Variants in ATP10A observed in about 807,000 individuals in gnomAD.
ATP10A encodes phospholipid-transporting ATPase VA.
A neutral mutation model predicts 147.8 loss-of-function variants in ATP10A; 111 were observed. That is an observed-to-expected ratio of 0.75 (90% CI 0.64 to 0.88). The LOEUF is 0.88. Among genes scored for constraint, ATP10A ranks in the 40% least tolerant of loss-of-function variants. The probability of loss-of-function intolerance (pLI) is 0.00; values close to 1 mark genes in which losing one functional copy is unlikely to be tolerated. For synonymous variants in ATP10A, 875 were observed against 841.6 expected (o/e 1.04, Z -0.69); for missense variants, 1,927 against 1,959.0 (o/e 0.98, Z 0.31).
At chr15:25,801,694 C>T (rs555954807) in intron 1 of ATP10A, among the ~76,000 whole-genome samples, 9 of 152,332 alleles carry the variant, frequency 5.9e-5, no homozygotes, top group African/African-American at 1.9e-4. Flanking sequence ...AGCCCCGTGA[C>T]GCTGATGTGT....
At chr15:25,852,294 C>T (rs1468245369) in intron 1 of ATP10A, among the ~76,000 whole-genome samples, 3 of 152,128 alleles carry the variant, frequency 2.0e-5, no homozygotes, top group African/African-American at 4.8e-5. Context: ...CATCCTCCCT[C>T]CAAAGTAATG....
At chr15:25,708,402 T>C in intron 10 of ATP10A, 102 bp from the exon 11 acceptor site, 4 of 967,014 alleles carry the variant, frequency 4.1e-6, no homozygotes, top group Non-Finnish European at 4.8e-6. Context: ...TACTTGCGAA[T>C]AGAGCACAAA....
At chr15:25,684,378 T>C (rs1899599230) in intron 16 of ATP10A, among the ~76,000 whole-genome samples, 1 of 152,218 alleles carries the variant, frequency 6.6e-6, no homozygotes, top group African/African-American at 2.4e-5. Context: ...CTTTCCTTGC[T>C]CATGACATGG....
At chr15:25,848,036 C>T (rs911506704) in intron 1 of ATP10A, among the ~76,000 whole-genome samples, 1 of 152,064 alleles carries the variant, frequency 6.6e-6, no homozygotes, top group African/African-American at 2.4e-5. Context: ...GCCTGTATTT[C>T]CAGCTACTTG....
intron 10 of ATP10A, chr15:25,709,466 T>G (rs1401389929): frequency 6.6e-6 from 1 of 152,276 alleles, no homozygotes; most frequent in Non-Finnish European, 1.5e-5. Flanking sequence ...CCCATTGTCC[T>G]GAGAGGTGAC....
At chr15:25,811,241 C>T (rs1891417020) in intron 1 of ATP10A, among the ~76,000 whole-genome samples, 1 of 152,194 alleles carries the variant, frequency 6.6e-6, no homozygotes, top group Admixed American at 6.5e-5. Context: ...CAGAAACGGA[C>T]TTCCCTGGAC....
intron 12 of ATP10A, 54 bp downstream of exon 12, chr15:25,707,910 ACCCCTCCAGGGC>A (rs1270917195): frequency 2.5e-6 from 4 of 1,581,296 alleles, no homozygotes; most frequent in Non-Finnish European, 3.5e-6. Context: ...AAGAGCACTC[ACCCCTCCAGGGC>A]CGTCCCTGCA....
At chr15:25,718,675 G>C (rs1052295695) in intron 7 of ATP10A, among the ~76,000 whole-genome samples, 1 of 152,142 alleles carries the variant, frequency 6.6e-6, no homozygotes, top group East Asian at 1.9e-4. Context: ...GAAGGGGAAC[G>C]GGTTGACGTC....
intron 3 of ATP10A, among the ~76,000 whole-genome samples, chr15:25,729,566 T>G (rs1902821498): frequency 6.6e-6 from 1 of 152,150 alleles, no homozygotes; most frequent in Non-Finnish European, 1.5e-5. Context: ...GAGTGTCCCC[T>G]GCAGGACTCC....
chr15:25,751,985 A>G (rs1335475990), intron 2 of ATP10A, among the ~76,000 whole-genome samples: 1 of 152,184 alleles, frequency 6.6e-6, no homozygotes, highest in Non-Finnish European at 1.5e-5. Flanking sequence ...ACCTGTCAGA[A>G]TAGTTATTAC....
At chr15:25,715,897 CTG>C (rs1901767640) in intron 9 of ATP10A, among the ~76,000 whole-genome samples, 2 of 152,304 alleles carry the variant, frequency 1.3e-5, no homozygotes, top group East Asian at 3.9e-4. Flanking sequence ...ACATTCAAAA[CTG>C]CCTGGTTCCA....
chr15:25,686,187 C>T (rs1042090271), intron 16 of ATP10A, among the ~76,000 whole-genome samples: 3 of 151,830 alleles, frequency 2.0e-5, no homozygotes, highest in Non-Finnish European at 1.5e-5. Flanking sequence ...GAAGACGCTC[C>T]GAAAAATGAA....
At chr15:25,729,293 C>G (rs2061596065) in intron 3 of ATP10A, among the ~76,000 whole-genome samples, 1 of 152,198 alleles carries the variant, frequency 6.6e-6, no homozygotes, top group Non-Finnish European at 1.5e-5. Flanking sequence ...TCGAGACCAG[C>G]CTGATCAATA....
At chr15:25,769,915 A>G (rs1032684360) in intron 2 of ATP10A, among the ~76,000 whole-genome samples, 1 of 152,208 alleles carries the variant, frequency 6.6e-6, no homozygotes, top group African/African-American at 2.4e-5. Flanking sequence ...ACCCTGATCC[A>G]ACAGGACTGG....
chr15:25,764,438 T>C (rs1236099306), intron 2 of ATP10A, among the ~76,000 whole-genome samples: 1 of 151,944 alleles, frequency 6.6e-6, no homozygotes, highest in African/African-American at 2.4e-5. Flanking sequence ...CCTTGGGAGG[T>C]GATTAGGGCA....
Position 25,764,659 on chromosome 15 carries a change from T to C in ATP10A, c.654+16360A>G, listed in dbSNP as rs535999140. ...CAGAACTGTCAGAAATAAATGTCTATTATTTATACGTGACCCAGTCTGTGG... is the reference window on the plus strand; with the variant it reads ...CAGAACTGTCAGAAATAAATGTCTACTATTTATACGTGACCCAGTCTGTGG... On this transcript the variant is annotated intron_variant, in intron 2 of 20. Transcript: ENST00000555815. 3.3e-5 allele frequency among the ~76,000 whole-genome samples: 5 copies of C among 152,354 alleles called. No homozygotes were observed. The South Asian group carries it at 1.0e-3, about 32-fold the overall frequency.
chr15:25,832,463 A>C (rs1022329690), intron 1 of ATP10A, among the ~76,000 whole-genome samples: 2 of 152,130 alleles, frequency 1.3e-5, no homozygotes, highest in Non-Finnish European at 2.9e-5. Context: ...CATGTTCTGG[A>C]CCATTGTCGC....
chr15:25,820,715 C>T (rs779764095), intron 1 of ATP10A, among the ~76,000 whole-genome samples: 2 of 152,040 alleles, frequency 1.3e-5, no homozygotes, highest in Non-Finnish European at 2.9e-5. Flanking sequence ...TTCAAAAATG[C>T]TGCTTGGGAA....
intron 2 of ATP10A, among the ~76,000 whole-genome samples, chr15:25,758,818 G>C (rs879902938): frequency 2.7e-5 from 3 of 110,044 alleles, no homozygotes; most frequent in African/African-American, 4.1e-5. Flanking sequence ...AACTCATTCC[G>C]ACCACCTGCT....
Sources: gnomAD v4.1 joint callset for allele counts (sites outside exome capture counted in the v4.1 genomes callset) on GRCh38, gnomAD v4.1.1 for gene constraint, MANE v1.5 for transcripts, NCBI Gene and HGNC (gene_info 2026-07-23, HGNC 2026-07-21) for gene names.